The following PHACTR2 variants were observed in gnomAD, a reference collection of about 807,000 sequenced individuals.
PHACTR2 encodes the protein chromosome 6 open reading frame 56.
A neutral mutation model predicts 76.0 loss-of-function variants in PHACTR2; 30 were observed. The ratio of observed to expected loss-of-function variants is 0.39; its 90% CI spans 0.30 to 0.54. The LOEUF (loss-of-function observed/expected upper bound fraction) is 0.54. Ranked by LOEUF, PHACTR2 falls within the 20% of genes least tolerant of loss-of-function variation. The probability of loss-of-function intolerance (pLI) is 0.61; values close to 1 mark genes in which losing one functional copy is unlikely to be tolerated. For synonymous variants in PHACTR2, 292 were observed against 292.5 expected, an observed-to-expected ratio of 1.00 and a Z score of 0.02; for missense variants, 696 against 781.1, an observed-to-expected ratio of 0.89 and a Z score of 1.30.
In PHACTR2 at chr6:143,671,905, C is replaced by A; in HGVS notation, c.14-40111C>A. Among the ~76,000 whole-genome samples, 1 of 151,838 alleles carries A rather than the reference C, an allele frequency of 6.6e-6. No homozygotes were observed. Among genetic ancestry groups the A allele is most frequent in the Non-Finnish European group, 1.5e-5 (1 of 67,946 alleles). ...GAAGGCAACCTAGAACAAAAAGGAA[C>A]AAAATACAGATACACAGAGCAACAT... On this transcript the variant is annotated intron_variant, in intron 1 of 11. Transcript: ENST00000305766. The surrounding 1 kb of genome is among the most constrained non-coding windows in gnomAD (Gnocchi z 4.6).
At position 143,559,054 on chromosome 6, in the gene PHACTR2, C is replaced by T. The variant is rs367680035; in HGVS notation, c.217+21847C>T. 2.5e-4 allele frequency among the ~76,000 whole-genome samples: 38 copies of T among 152,286 alleles called. No homozygotes were observed. The East Asian group carries it at 7.1e-3, about 29-fold the overall frequency. On this transcript the variant is annotated intron_variant, in intron 1 of 11. Transcript: ENST00000367584. ...TCGGCCCATCTTTGACTTCTGCTACCCATGTGGTTGGGCTGTACCCAGTAA... is the reference window on the plus strand; with the variant it reads ...TCGGCCCATCTTTGACTTCTGCTACTCATGTGGTTGGGCTGTACCCAGTAA...
intron 1 of PHACTR2, among the ~76,000 whole-genome samples, chr6:143,682,854 A>T (rs1357055390): frequency 6.6e-6 from 1 of 152,176 alleles, no homozygotes; most frequent in Non-Finnish European, 1.5e-5. Context: ...TTTGTCAAAA[A>T]GTTCTCTGCT....
chr6:143,597,627 C>G lies in PHACTR2; in HGVS notation c.217+60420C>G, dbSNP rs966210824. Among the ~76,000 whole-genome samples the G allele has an allele frequency of 6.6e-6, 1 of 152,144 alleles. No individual in the cohort carries two copies. The highest frequency in any genetic ancestry group is 1.5e-5 in the Non-Finnish European group (1 of 68,034). On this transcript the variant is annotated intron_variant, in intron 1 of 11. Coordinates refer to the PHACTR2 transcript ENST00000367584. This position sits in a 1 kb window ranked among gnomAD's most constrained non-coding sequence, Gnocchi z 5.7. ...CCAGTGATAAAAGGATTAAGGAGAT[C>G]TGATTCCCCCTTCAAACAATACATG...
At chr6:143,736,667 C>G (rs1189880400) in intron 2 of PHACTR2, among the ~76,000 whole-genome samples, 1 of 140,546 alleles carries the variant, frequency 7.1e-6, no homozygotes, top group African/African-American at 2.6e-5. Flanking sequence ...CCCCGCCTCC[C>G]AGGTTCAAGC....
chr6:143,540,319 G>A (rs1174716118), intron 1 of PHACTR2, among the ~76,000 whole-genome samples: 1 of 152,138 alleles, frequency 6.6e-6, no homozygotes, highest in Non-Finnish European at 1.5e-5. Context: ...AAGAAAGAGT[G>A]CTTGCCAAGA....
rs1204417966 is a variant in PHACTR2 at position 143,561,174 on chromosome 6, C to T, written c.217+23967C>T. The T allele has an allele frequency of 6.6e-6, 1 of 152,246 alleles. No individual in the cohort carries two copies. The highest frequency in any genetic ancestry group is 1.5e-5 in the Non-Finnish European group (1 of 68,148). 9.4% of individuals were successfully genotyped at this position (152,246 alleles called of 1,614,324 possible). ...GATGCAGTAGGCACTGACCTTCTGA[C>T]CTTGGCGGGATGCTTGAACCATTCT... is the stretch of plus-strand genomic sequence containing the variant. On this transcript the variant is annotated intron_variant, in intron 1 of 11. Transcript: ENST00000367584. The surrounding 1 kb of genome is among the most constrained non-coding windows in gnomAD (Gnocchi z 4.1).
intron 1 of PHACTR2, among the ~76,000 whole-genome samples, chr6:143,643,993 G>T (rs1000930435): frequency 6.6e-6 from 1 of 152,092 alleles, no homozygotes; most frequent in African/African-American, 2.4e-5. Flanking sequence ...TACCCCCAGG[G>T]TTTTTAAATA....
At chr6:143,726,981 A>G (rs912406847) in intron 2 of PHACTR2, among the ~76,000 whole-genome samples, 4 of 152,190 alleles carry the variant, frequency 2.6e-5, no homozygotes, top group African/African-American at 7.2e-5. Context: ...GCTGTTTTGT[A>G]ATATACAATA....
intron 1 of PHACTR2, among the ~76,000 whole-genome samples, chr6:143,661,842 C>T (rs1776951348): frequency 6.6e-6 from 1 of 152,056 alleles, no homozygotes; most frequent in Non-Finnish European, 1.5e-5. Flanking sequence ...CAAGCATGAG[C>T]CACTGCACCT....
chr6:143,829,433 C>A lies in PHACTR2; in HGVS notation c.*5744C>A, dbSNP rs1388434672. ...CTATTAACGAAGCATTTAATTCACA[C>A]ACAAATGCTTGAATTTCCCCTGTAT... is the stretch of plus-strand genomic sequence containing the variant. On this transcript the variant is annotated 3_prime_UTR_variant, in exon 13 of 13. Transcript: ENST00000440869. 1 of 152,130 alleles carries A rather than the reference C, an allele frequency of 6.6e-6. No individual in the cohort carries two copies. Among genetic ancestry groups the A allele is most frequent in the East Asian group, 1.9e-4 (1 of 5,196 alleles). 9.4% of individuals were successfully genotyped at this position (152,130 alleles called of 1,614,324 possible).
At chr6:143,677,408 T>G (rs1402533074), upstream of PHACTR2, among the ~76,000 whole-genome samples, 1 of 152,232 alleles carries the variant, frequency 6.6e-6, no homozygotes, top group African/African-American at 2.4e-5. Context: ...TCACTTTATT[T>G]CACAGTAATT....
rs771978305 is a variant in PHACTR2 at position 143,580,508 on chromosome 6, C to CA, written c.217+43307dup. On this transcript the variant is annotated intron_variant, in intron 1 of 11. Transcript: ENST00000367584. This position sits in a 1 kb window ranked among gnomAD's most constrained non-coding sequence, Gnocchi z 4.2. ...TCAAACAAAACAAAACAAAACAAAACAAAAAATACAAACAATTAGCTGGGC... is the reference window on the plus strand; with the variant it reads ...TCAAACAAAACAAAACAAAACAAAACAAAAAAATACAAACAATTAGCTGGGC... Among the ~76,000 whole-genome samples, 63 of 74,554 alleles carry CA rather than the reference C, an allele frequency of 8.5e-4. No homozygotes were observed. The South Asian group carries it at 0.012, about 14-fold the overall frequency. 48.9% of individuals were successfully genotyped at this position (74,554 alleles called of 152,430 possible). A position where few individuals can be genotyped will look rare whatever the true frequency, so the allele number is the denominator to read the frequency against.
chr6:143,774,329 A>C lies in PHACTR2; in HGVS notation c.1589+114A>C. 1.4e-6 allele frequency: 1 copy of C among 722,018 alleles called. No homozygotes were observed. The highest frequency in any genetic ancestry group is 2.2e-6 in the Non-Finnish European group (1 of 461,250). The allele number at this position is 722,018 out of a possible 1,614,324, so 44.7% of individuals were successfully genotyped here. On this transcript the variant is annotated intron_variant, in intron 8 of 12. Transcript: ENST00000440869. The surrounding 1 kb of genome is among the most constrained non-coding windows in gnomAD (Gnocchi z 5.4). Reference sequence around the variant, plus strand: ...CCTTATGTACAGATACATCTGGCCTACTGGGTCTTTTAAAGTTGGTCTTGC... The same window carrying C: ...CCTTATGTACAGATACATCTGGCCTCCTGGGTCTTTTAAAGTTGGTCTTGC...
Position 143,789,520 on chromosome 6 carries a change from A to T in PHACTR2, c.1845+610A>T, listed in dbSNP as rs1775628634. Among the ~76,000 whole-genome samples, 1 of 152,252 alleles carries T rather than the reference A, an allele frequency of 6.6e-6. No individual in the cohort carries two copies. Among genetic ancestry groups the T allele is most frequent in the Admixed American group, 6.5e-5 (1 of 15,286 alleles). ...ACACAATTCCTGAAAAATGAAATATACAGTGGGTTCTATCAATGTAGAAAG... is the reference window on the plus strand; with the variant it reads ...ACACAATTCCTGAAAAATGAAATATTCAGTGGGTTCTATCAATGTAGAAAG... On this transcript the variant is annotated intron_variant, in intron 11 of 12. Coordinates refer to ENST00000440869, the MANE Select transcript of PHACTR2 (RefSeq NM_001100164.2). This position sits in a 1 kb window ranked among gnomAD's most constrained non-coding sequence, Gnocchi z 5.1.
rs1216444931 is a variant in PHACTR2 at position 143,795,737 on chromosome 6, G to A, written c.1845+6827G>A. On this transcript the variant is annotated intron_variant, in intron 11 of 12. Coordinates refer to ENST00000440869, the MANE Select transcript of PHACTR2 (RefSeq NM_001100164.2). This position sits in a 1 kb window ranked among gnomAD's most constrained non-coding sequence, Gnocchi z 4.8. ...GCCACTTAGTAGTTGTTTGACCTTG[G>A]CCAAGTCATTTAACCTAGGTTTACT... Among the ~76,000 whole-genome samples, 1 of 152,152 alleles carries A rather than the reference G, an allele frequency of 6.6e-6. No homozygotes were observed. The highest frequency in any genetic ancestry group is 2.4e-5 in the African/African-American group (1 of 41,432).
chr6:143,602,408 C>A lies in PHACTR2; in HGVS notation c.217+65201C>A. On this transcript the variant is annotated intron_variant, in intron 1 of 11. Coordinates refer to the PHACTR2 transcript ENST00000367584. This position sits in a 1 kb window ranked among gnomAD's most constrained non-coding sequence, Gnocchi z 6.1. ...AGGCATCAGCCATTTGTTTTTCCAA[C>A]CTCATTTCTTGAGCCAGGACTCTCC... Among the ~76,000 whole-genome samples the A allele has an allele frequency of 6.6e-6, 1 of 152,224 alleles. No individual in the cohort carries two copies. The highest frequency in any genetic ancestry group is 1.9e-4 in the East Asian group (1 of 5,192).
In PHACTR2 at chr6:143,807,074, A is replaced by G; in HGVS notation, c.1863A>G (p.Glu621=). ...TPADKAAIRK[E]LNEFKSTEME... ...CTGTTTAGGCAGCAATAAGGAAAGA[A>G]CTAAATGAATTTAAAAGCACAGAAA... Residue 621 remains glutamate (E), a synonymous_variant, in exon 12 of 13, where the codon GAA becomes GAG. Transcript: ENST00000440869. The surrounding 1 kb of genome is among the most constrained non-coding windows in gnomAD (Gnocchi z 5.5). 1 of 1,602,368 alleles carries G rather than the reference A, an allele frequency of 6.2e-7. No homozygotes were observed.
chr6:143,702,157 G>C (rs1403144653), intron 1 of PHACTR2, among the ~76,000 whole-genome samples: 1 of 141,856 alleles, frequency 7.0e-6, no homozygotes, highest in Non-Finnish European at 1.5e-5. Context: ...TTTGAGAAGG[G>C]ATTGCAGTGG....
Position 143,800,410 on chromosome 6 carries a change from C to T in PHACTR2, c.1846-6647C>T, listed in dbSNP as rs143775190. 1.8e-3 allele frequency among the ~76,000 whole-genome samples: 274 copies of T among 152,144 alleles called. No individual in the cohort carries two copies. Among genetic ancestry groups the T allele is most frequent in the African/African-American group, 6.4e-3 (265 of 41,500 alleles). On this transcript the variant is annotated intron_variant, in intron 11 of 12. Coordinates refer to ENST00000440869, the MANE Select transcript of PHACTR2 (RefSeq NM_001100164.2). The surrounding 1 kb of genome is among the most constrained non-coding windows in gnomAD (Gnocchi z 4.8). ...CTGAGTAGCTGGGACTACAGGTGCC[C>T]GCCACCATGCCCAGTTAATTTTTTG...
Sources: gnomAD v4.1 joint callset for allele counts (sites outside exome capture counted in the v4.1 genomes callset) on GRCh38, gnomAD v4.1.1 for gene constraint, Gnocchi (gnomAD v3.1) non-coding constraint, MANE v1.5 for transcripts, NCBI Gene and HGNC (gene_info 2026-07-23, HGNC 2026-07-21) for gene names.